Variants in BCAT1 observed in about 807,000 individuals in gnomAD.
The protein encoded by BCAT1 is branched-chain-amino-acid aminotransferase, cytosolic.
In BCAT1, 48 loss-of-function variants were observed where a neutral mutation model predicts 52.4. That is an observed-to-expected ratio of 0.92 (90% CI 0.73 to 1.16). The LOEUF is 1.16. Among genes scored for constraint, BCAT1 ranks in the 50% most tolerant of loss-of-function variants. BCAT1 has a pLI of 0.00. For missense variants in BCAT1, 451 were observed against 457.1 expected (o/e 0.99, Z 0.12); for synonymous variants, 167 against 161.3 (o/e 1.04, Z -0.27).
intron 1 of BCAT1, chr12:24,903,339 T>G: frequency 4.0e-6 from 1 of 247,782 alleles, no homozygotes; most frequent in Non-Finnish European, 7.7e-6. Flanking sequence ...AAACAACCTC[T>G]AGGTGAATGG....
At chr12:24,843,762 G>A (rs2139439026) in intron 6 of BCAT1, among the ~76,000 whole-genome samples, 1 of 152,180 alleles carries the variant, frequency 6.6e-6, no homozygotes, top group Middle Eastern at 3.4e-3. Flanking sequence ...CACAACTGAT[G>A]ACAATATAGC....
At chr12:24,859,513 CCG>C (rs1348424867) in intron 5 of BCAT1, among the ~76,000 whole-genome samples, 2 of 151,238 alleles carry the variant, frequency 1.3e-5, no homozygotes, top group Non-Finnish European at 2.9e-5. Flanking sequence ...CCCAGCTACC[CCG>C]GAGGCTGAGG....
chr12:24,915,911 A>C (rs887611407), intron 1 of BCAT1, among the ~76,000 whole-genome samples: 1 of 152,238 alleles, frequency 6.6e-6, no homozygotes. Flanking sequence ...TAATCCCAGC[A>C]CTTTGGGAGG....
rs142230520 is a variant in BCAT1, at chr12:24,834,329, T to C, written c.904-1466A>G. On this transcript the variant is annotated intron_variant, in intron 8 of 10. Transcript: ENST00000261192. Reference sequence around the variant, plus strand: ...TATCACATTCAGTTGATTTTCATCATGGAATTAGTGGTATAACCTCATTGA... The same window carrying C: ...TATCACATTCAGTTGATTTTCATCACGGAATTAGTGGTATAACCTCATTGA... 4.6e-5 allele frequency: 45 copies of C among 985,178 alleles called. No homozygotes were observed. In the African/African-American group the frequency reaches 6.8e-4, roughly 15 times the overall value. The allele number at this position is 985,178 out of a possible 1,614,324, so 61.0% of individuals were successfully genotyped here. A position where few individuals can be genotyped will look rare whatever the true frequency, so the allele number is the denominator to read the frequency against.
chr12:24,916,859 C>T (rs543933915), intron 1 of BCAT1, among the ~76,000 whole-genome samples: 80 of 152,218 alleles, frequency 5.3e-4, no homozygotes, highest in African/African-American at 1.7e-3. Flanking sequence ...TCTTATTGAA[C>T]TTATGCAAAT....
chr12:24,871,359 A>C (rs907040000), intron 5 of BCAT1, among the ~76,000 whole-genome samples: 33 of 152,336 alleles, frequency 2.2e-4, no homozygotes, highest in Middle Eastern at 3.4e-3. Flanking sequence ...GATGCCTCGC[A>C]TCATGAACTA....
intron 1 of BCAT1, among the ~76,000 whole-genome samples, chr12:24,908,343 T>C (rs995593335): frequency 2.6e-5 from 4 of 152,260 alleles, no homozygotes; most frequent in Non-Finnish European, 5.9e-5. Flanking sequence ...ATCTGCCAGG[T>C]AGCCACTAAG....
intron 1 of BCAT1, among the ~76,000 whole-genome samples, chr12:24,946,995 A>G (rs941291000): frequency 6.6e-6 from 1 of 152,120 alleles, no homozygotes; most frequent in Non-Finnish European, 1.5e-5. Context: ...AATATTGGCC[A>G]GCATTAAATT....
At chr12:24,826,281 A>C (rs143940997) in intron 10 of BCAT1, among the ~76,000 whole-genome samples, 127 of 152,322 alleles carry the variant, frequency 8.3e-4, no homozygotes, top group Non-Finnish European at 1.4e-3. Context: ...TCTAAGATTC[A>C]AGTCATTAAT....
chr12:24,863,777 A>T (rs2139527343), intron 5 of BCAT1, among the ~76,000 whole-genome samples: 1 of 152,284 alleles, frequency 6.6e-6, no homozygotes. Flanking sequence ...CAAAAAATTT[A>T]AAAATCAGCC....
intron 5 of BCAT1, among the ~76,000 whole-genome samples, chr12:24,852,515 A>ATTTT (rs1443291981): frequency 2.0e-5 from 3 of 152,236 alleles, no homozygotes; most frequent in African/African-American, 7.2e-5. Context: ...AGAAGTAACA[A>ATTTT]TAACGTGTTA....
intron 3 of BCAT1, among the ~76,000 whole-genome samples, chr12:24,889,265 A>G (rs1449561004): frequency 6.6e-6 from 1 of 152,238 alleles, no homozygotes; most frequent in African/African-American, 2.4e-5. Flanking sequence ...ACCCCAAGGT[A>G]TATACCCCAG....
At chr12:24,894,523 C>T (rs1415178517) in intron 2 of BCAT1, 48 bp from the exon 3 acceptor site, 5 of 1,458,208 alleles carry the variant, frequency 3.4e-6, no homozygotes, top group Admixed American at 2.0e-5. Context: ...ACTGAGCATT[C>T]GCTGGCTAGA....
rs1318755493 is a variant in BCAT1, at chr12:24,843,625, T to A, written c.675-1401A>T. 8.5e-5 allele frequency among the ~76,000 whole-genome samples: 13 copies of A among 152,120 alleles called. 1 individual carries two copies. In the East Asian group the frequency reaches 2.3e-3, roughly 27 times the overall value. ...CTCAAAAAAAATAAAAATTAAACAT[T>A]AGAGCCACATGTTAGTGTATATCTA... is the stretch of plus-strand genomic sequence containing the variant. On this transcript the variant is annotated intron_variant, in intron 6 of 10. Transcript: ENST00000261192.
intron 7 of BCAT1, among the ~76,000 whole-genome samples, chr12:24,836,951 A>G (rs952357391): frequency 8.6e-6 from 1 of 115,800 alleles, no homozygotes; most frequent in African/African-American, 2.9e-5. Flanking sequence ...AGAAAGAAAG[A>G]AAGAAAAGAG....
intron 1 of BCAT1, among the ~76,000 whole-genome samples, chr12:24,919,817 G>T (rs1451663385): frequency 6.6e-6 from 1 of 152,170 alleles, no homozygotes; most frequent in African/African-American, 2.4e-5. Context: ...CATGGGGGCG[G>T]TTTCCCCCAT....
chr12:24,825,238 T>C (rs1358820521), intron 10 of BCAT1, among the ~76,000 whole-genome samples: 5 of 152,124 alleles, frequency 3.3e-5, no homozygotes, highest in African/African-American at 1.2e-4. Context: ...GTGAATACTA[T>C]TGCAATAAAC....
Position 24,836,893 on chromosome 12 carries a change from GAAAGA to G in BCAT1, c.818-302_818-298del, listed in dbSNP as rs1482834346. Among the ~76,000 whole-genome samples the G allele has an allele frequency of 1.5e-3, 65 of 42,816 alleles. 3 individuals carry two copies. Among genetic ancestry groups the G allele is most frequent in the African/African-American group, 6.1e-3 (64 of 10,572 alleles). The allele number at this position is 42,816 out of a possible 152,430, so 28.1% of individuals were successfully genotyped here. On this transcript the variant is annotated intron_variant, in intron 7 of 10. Coordinates refer to ENST00000261192, the MANE Select transcript of BCAT1 (RefSeq NM_005504.7). Reference sequence around the variant, plus strand: ...GGAAAGAGAAAGAGAAAGAAAGAAAGAAAGAAAAGAAAGAGAGAAAGAAAGAAAGA... The same window carrying G: ...GGAAAGAGAAAGAGAAAGAAAGAAAGAAAGAAAGAGAGAAAGAAAGAAAGA...
chr12:24,885,440 A>T (rs1436204407), intron 3 of BCAT1, among the ~76,000 whole-genome samples: 1 of 152,208 alleles, frequency 6.6e-6, no homozygotes, highest in Non-Finnish European at 1.5e-5. Flanking sequence ...TATTATAAAG[A>T]TGTTGATTTT....
Sources: allele counts gnomAD v4.1 joint callset (sites outside exome capture counted in the v4.1 genomes callset), GRCh38; gene constraint gnomAD v4.1.1; transcripts MANE v1.5; gene names NCBI Gene and HGNC (gene_info 2026-07-23, HGNC 2026-07-21).